The following DNER variants were observed in gnomAD, a reference collection of about 807,000 sequenced individuals.
DNER encodes delta and Notch-like epidermal growth factor-related receptor.
DNER carries 33 observed loss-of-function variants against 78.2 expected under a neutral mutation model. That is an observed-to-expected ratio of 0.42 (90% CI 0.32 to 0.56). The LOEUF (loss-of-function observed/expected upper bound fraction) is 0.56. Ranked by LOEUF, DNER falls within the 20% of genes least tolerant of loss-of-function variation. The pLI is 0.11. For missense variants in DNER, 918 were observed against 975.3 expected (o/e 0.94, Z 0.78); for synonymous variants, 417 against 384.8 (o/e 1.08, Z -0.98).
chr2:229,690,965 T>C (rs528876944), intron 1 of DNER, among the ~76,000 whole-genome samples: 30 of 152,320 alleles, frequency 2.0e-4, no homozygotes, highest in Middle Eastern at 3.4e-3. Context: ...ATAAATACAT[T>C]ATTCATTTTT....
intron 5 of DNER, among the ~76,000 whole-genome samples, chr2:229,521,742 T>C (rs1406053495): frequency 1.3e-5 from 2 of 152,180 alleles, no homozygotes; most frequent in Non-Finnish European, 2.9e-5. Context: ...AAAATGACTA[T>C]AAATGCCTTT....
chr2:229,628,651 G>C (rs965141874), intron 1 of DNER, among the ~76,000 whole-genome samples: 3 of 152,156 alleles, frequency 2.0e-5, no homozygotes, highest in Non-Finnish European at 2.9e-5. Context: ...GATGATCCTA[G>C]GGCCAGTGCA....
intron 8 of DNER, among the ~76,000 whole-genome samples, chr2:229,427,872 C>T (rs1047048051): frequency 3.3e-5 from 5 of 151,728 alleles, no homozygotes; most frequent in Non-Finnish European, 5.9e-5. Flanking sequence ...GTCAGGAGTT[C>T]GAGACCAGCC....
intron 1 of DNER, among the ~76,000 whole-genome samples, chr2:229,674,426 G>A (rs1699266731): frequency 6.6e-6 from 1 of 152,148 alleles, no homozygotes; most frequent in South Asian, 2.1e-4. Context: ...TTACAGGCAT[G>A]TGCCACCACA....
At chr2:229,445,712 G>A (rs778430330) in intron 8 of DNER, among the ~76,000 whole-genome samples, 4 of 152,104 alleles carry the variant, frequency 2.6e-5, no homozygotes, top group African/African-American at 7.2e-5. Flanking sequence ...GCTTCCCTAC[G>A]GATTTTGGAC....
At chr2:229,368,165 C>A (rs925303748) in intron 11 of DNER, among the ~76,000 whole-genome samples, 2 of 152,074 alleles carry the variant, frequency 1.3e-5, no homozygotes, top group Admixed American at 1.3e-4. Context: ...GAGTTTGAGA[C>A]CAGCCTGAGC....
chr2:229,696,281 G>C (rs1699661000), intron 1 of DNER, among the ~76,000 whole-genome samples: 1 of 152,182 alleles, frequency 6.6e-6, no homozygotes, highest in South Asian at 2.1e-4. Context: ...CAAACAAGTT[G>C]ACTGGGATAG....
At chr2:229,579,033 C>T (rs921931382) in intron 4 of DNER, among the ~76,000 whole-genome samples, 1 of 152,170 alleles carries the variant, frequency 6.6e-6, no homozygotes, top group African/African-American at 2.4e-5. Flanking sequence ...CTGTTACATG[C>T]TTGTTGAAAT....
intron 4 of DNER, among the ~76,000 whole-genome samples, chr2:229,583,885 C>T (rs1276453866): frequency 1.3e-5 from 2 of 152,206 alleles, no homozygotes; most frequent in African/African-American, 2.4e-5. Context: ...GCACTCGTCT[C>T]TTTGTCAAGC....
Position 229,447,428 on chromosome 2 carries a change from C to G in DNER, c.1374G>C (p.Pro458=). The change falls in exon 8 of 13, where the codon CCG becomes CCC. Residue 458 remains proline (P), a synonymous_variant. Transcript: ENST00000341772. ...GGGCACAGGTCGGCCCTGTGAAGCCCGGGCTGCAGTTGCAGGTAAAGTGTA... is the reference window on the plus strand; with the variant it reads ...GGGCACAGGTCGGCCCTGTGAAGCCGGGGCTGCAGTTGCAGGTAAAGTGTA... The part of the protein sequence containing the change: ...DGVHFTCNCS[P]GFTGPTCAQL... 6.2e-7 allele frequency: 1 copy of G among 1,614,028 alleles called. No homozygotes were observed. The highest frequency in any genetic ancestry group is 8.5e-7 in the Non-Finnish European group (1 of 1,180,004).
In DNER at chr2:229,585,856, A is replaced by C; in HGVS notation, c.847+2T>G. 1 of 1,613,590 alleles carries C rather than the reference A, an allele frequency of 6.2e-7. No homozygotes were observed. The highest frequency in any genetic ancestry group is 8.5e-7 in the Non-Finnish European group (1 of 1,179,840). On this transcript the variant is annotated splice_donor_variant, in intron 4 of 12. Coordinates refer to ENST00000341772, the MANE Select transcript of DNER (RefSeq NM_139072.4). LOFTEE classifies it high-confidence loss of function. Reference sequence around the variant, plus strand: ...GTTGAGTAGAAGATTTTGGTAACTCACCAATAAAGTGATTATTCCCCAAGG... The same window carrying C: ...GTTGAGTAGAAGATTTTGGTAACTCCCCAATAAAGTGATTATTCCCCAAGG...
chr2:229,364,771 C>T (rs1433584833), intron 12 of DNER, among the ~76,000 whole-genome samples: 1 of 151,144 alleles, frequency 6.6e-6, no homozygotes, highest in Non-Finnish European at 1.5e-5. Flanking sequence ...TTGGAGAAAG[C>T]AAACTCTTCG....
intron 1 of DNER, among the ~76,000 whole-genome samples, chr2:229,598,067 C>G (rs943300450): frequency 2.6e-5 from 4 of 152,164 alleles, no homozygotes; most frequent in African/African-American, 4.8e-5. Context: ...GGCGTACAAA[C>G]AGAAGGACGA....
At chr2:229,387,892 T>TGTGTGTGTG (rs34945149) in intron 11 of DNER, among the ~76,000 whole-genome samples, 1 of 58,578 alleles carries the variant, frequency 1.7e-5, no homozygotes, top group African/African-American at 4.4e-5. Flanking sequence ...TGTGTGTGTG[T>TGTGTGTGTG]TTTTTAATTT....
chr2:229,461,105 G>T (rs868255700), intron 7 of DNER, among the ~76,000 whole-genome samples: 1 of 151,914 alleles, frequency 6.6e-6, no homozygotes, highest in Non-Finnish European at 1.5e-5. Context: ...TGGCTGAGAC[G>T]GTCAGAACAG....
chr2:229,441,426 C>T (rs80267723), intron 8 of DNER, among the ~76,000 whole-genome samples: 6,907 of 152,190 alleles, frequency 0.045, 264 homozygotes, highest in South Asian at 0.16. Flanking sequence ...AGAGACTGCA[C>T]GCCATGGGAA....
chr2:229,432,570 T>C (rs925798503), intron 8 of DNER, among the ~76,000 whole-genome samples: 1 of 152,230 alleles, frequency 6.6e-6, no homozygotes, highest in African/African-American at 2.4e-5. Context: ...TTTGGTTTAG[T>C]TGACCTCTTA....
intron 1 of DNER, among the ~76,000 whole-genome samples, chr2:229,645,282 T>C (rs1424547523): frequency 2.0e-5 from 3 of 152,234 alleles, no homozygotes; most frequent in Non-Finnish European, 4.4e-5. Flanking sequence ...GCTGGGATTG[T>C]AGACATGCAT....
chr2:229,625,273 G>A (rs1559186783), intron 1 of DNER, among the ~76,000 whole-genome samples: 1 of 152,156 alleles, frequency 6.6e-6, no homozygotes, highest in Non-Finnish European at 1.5e-5. Flanking sequence ...GCTGGGAGGG[G>A]TGGCAGGAGG....
Sources: allele counts gnomAD v4.1 joint callset (sites outside exome capture counted in the v4.1 genomes callset), GRCh38; gene constraint gnomAD v4.1.1; transcripts MANE v1.5; gene names NCBI Gene and HGNC (gene_info 2026-07-23, HGNC 2026-07-21).